Variants in METTL9 observed in about 807,000 individuals in gnomAD.
METTL9 encodes protein-L-histidine N-pros-methyltransferase.
Under a neutral mutation model 36.0 loss-of-function variants are expected in METTL9, and 10 were observed. The ratio of observed to expected loss-of-function variants is 0.28; its 90% CI spans 0.17 to 0.47. The LOEUF (loss-of-function observed/expected upper bound fraction) is 0.47. Among genes scored for constraint, METTL9 ranks in the 20% least tolerant of loss-of-function variants. The pLI, the probability that METTL9 is intolerant of heterozygous loss-of-function variation, is 0.99. For missense variants in METTL9, 246 were observed against 383.5 expected, an observed-to-expected ratio of 0.64 and a Z score of 3.00; for synonymous variants, 175 against 149.7, an observed-to-expected ratio of 1.17 and a Z score of -1.23.
In METTL9 at chr16:21,612,511, C is replaced by T. The variant is rs1965448463; in HGVS notation, c.166-134C>T. ...TATGAGTATACGAAATGATTATTCT[C>T]AGAGTATCATGAGATGGTAATATTT... On this transcript the variant is annotated intron_variant, in intron 1 of 4. Coordinates refer to ENST00000358154, the MANE Select transcript of METTL9 (RefSeq NM_016025.5). 4 of 775,586 alleles carry T rather than the reference C, an allele frequency of 5.2e-6. No individual in the cohort carries two copies. The South Asian group carries it at 1.0e-4, about 20-fold the overall frequency. The allele number at this position is 775,586 out of a possible 1,614,324, so 48.0% of individuals were successfully genotyped here. A position where few individuals can be genotyped will look rare whatever the true frequency, so the allele number is the denominator to read the frequency against.
At chr16:21,610,729 G>A (rs1044484652) in intron 1 of METTL9, among the ~76,000 whole-genome samples, 1 of 146,696 alleles carries the variant, frequency 6.8e-6, no homozygotes. Flanking sequence ...AGAATCTATT[G>A]TTGTTCTAGT....
At chr16:21,619,786 A>G (rs1475575373) in intron 3 of METTL9, among the ~76,000 whole-genome samples, 1 of 151,998 alleles carries the variant, frequency 6.6e-6, no homozygotes, top group Non-Finnish European at 1.5e-5. Flanking sequence ...GGAGATTTCT[A>G]TATATTGGCT....
At chr16:21,631,035 T>C (rs935444241) in intron 4 of METTL9, among the ~76,000 whole-genome samples, 4 of 151,866 alleles carry the variant, frequency 2.6e-5, no homozygotes, top group East Asian at 1.9e-4. Context: ...GCCTCAGGGG[T>C]TTTGGAGAGT....
At chr16:21,627,268 A>G in intron 4 of METTL9, 1 of 985,300 alleles carries the variant, frequency 1.0e-6, no homozygotes, top group Non-Finnish European at 1.2e-6. Context: ...AGGATATCTG[A>G]GTGTGCTTTG....
intron 4 of METTL9, chr16:21,626,896 A>G (rs747473651): frequency 2.3e-5 from 22 of 947,818 alleles, no homozygotes; most frequent in East Asian, 1.2e-4. Flanking sequence ...AGAAACATCA[A>G]TCTAACCACG....
intron 4 of METTL9, among the ~76,000 whole-genome samples, chr16:21,637,082 A>G (rs957766516): frequency 6.6e-6 from 1 of 152,142 alleles, no homozygotes; most frequent in African/African-American, 2.4e-5. Context: ...TATTGCGAAG[A>G]GTGAAAAAAC....
intron 4 of METTL9, among the ~76,000 whole-genome samples, chr16:21,630,084 A>G (rs926883838): frequency 2.6e-5 from 4 of 152,192 alleles, no homozygotes; most frequent in Admixed American, 6.5e-5. Context: ...GCTGATTGGT[A>G]CATTTACAAA....
intron 3 of METTL9, among the ~76,000 whole-genome samples, chr16:21,622,628 G>T (rs1462943961): frequency 6.6e-6 from 1 of 152,166 alleles, no homozygotes; most frequent in African/African-American, 2.4e-5. Context: ...TAAGCAATTT[G>T]TCTTCATCAG....
chr16:21,650,087 G>C (rs1966528206), intron 4 of METTL9, among the ~76,000 whole-genome samples: 1 of 152,158 alleles, frequency 6.6e-6, no homozygotes, highest in African/African-American at 2.4e-5. Context: ...ATTCCAGGCT[G>C]CAGTGAGCTG....
chr16:21,636,846 G>A (rs1428042879), intron 4 of METTL9, among the ~76,000 whole-genome samples: 1 of 152,122 alleles, frequency 6.6e-6, no homozygotes, highest in Non-Finnish European at 1.5e-5. Context: ...GGAAAAATAG[G>A]ACAGAATAGC....
intron 4 of METTL9, among the ~76,000 whole-genome samples, chr16:21,630,696 G>A (rs1252631590): frequency 6.6e-6 from 1 of 152,160 alleles, no homozygotes; most frequent in African/African-American, 2.4e-5. Context: ...GTTGTTAGTT[G>A]AGCTCATTTG....
chr16:21,609,888 G>T lies in METTL9; in HGVS notation c.166-2757G>T, dbSNP rs75106073. On this transcript the variant is annotated intron_variant, in intron 1 of 4. Transcript: ENST00000358154. ...ATTTGCATTTTAAGAGGTTTTCTAGGTTACTTATGTTTTCAGGCCACTTTT... is the reference window on the plus strand; with the variant it reads ...ATTTGCATTTTAAGAGGTTTTCTAGTTTACTTATGTTTTCAGGCCACTTTT... Among the ~76,000 whole-genome samples the T allele has an allele frequency of 8.9e-3, 1,349 of 152,196 alleles. 18 individuals are homozygous for T. Among genetic ancestry groups the T allele is most frequent in the African/African-American group, 0.031 (1,285 of 41,514 alleles).
At position 21,599,990 on chromosome 16, in the gene METTL9, G is replaced by T; in HGVS notation, c.165+92G>T. The T allele has an allele frequency of 9.2e-7, 1 of 1,090,310 alleles. No homozygotes were observed. Among genetic ancestry groups the T allele is most frequent in the Admixed American group, 4.6e-5 (1 of 21,798 alleles). The allele number at this position is 1,090,310 out of a possible 1,614,324, so 67.5% of individuals were successfully genotyped here. ...ATTGTGCGGGACGGCTCCGCGAGGG[G>T]GCGGCCCGGCCCTCGCCCCTCCGCC... On this transcript the variant is annotated intron_variant, in intron 1 of 4. Coordinates refer to ENST00000358154, the MANE Select transcript of METTL9 (RefSeq NM_016025.5). This position sits in a 1 kb window ranked among gnomAD's most constrained non-coding sequence, Gnocchi z 4.4.
intron 1 of METTL9, among the ~76,000 whole-genome samples, chr16:21,609,582 G>A (rs980234303): frequency 2.0e-5 from 3 of 152,118 alleles, no homozygotes. Context: ...CAGGTGAAGA[G>A]AGAGTGGGTT....
chr16:21,633,946 T>C (rs1966024323), intron 4 of METTL9, among the ~76,000 whole-genome samples: 1 of 152,152 alleles, frequency 6.6e-6, no homozygotes, highest in African/African-American at 2.4e-5. Context: ...TGATTCCCTC[T>C]TCAAGTAGGG....
chr16:21,617,297 A>C lies in METTL9; in HGVS notation c.357-568A>C, dbSNP rs563590494. Reference sequence around the variant, plus strand: ...GTCAGGTGTGGTGGCGGGCGCCTGTAGTCCCAGCTACTCAGGAGGCTGAGG... The same window carrying C: ...GTCAGGTGTGGTGGCGGGCGCCTGTCGTCCCAGCTACTCAGGAGGCTGAGG... On this transcript the variant is annotated intron_variant, in intron 2 of 4. Transcript: ENST00000358154. Among the ~76,000 whole-genome samples, 4 of 152,082 alleles carry C rather than the reference A, an allele frequency of 2.6e-5. No individual in the cohort carries two copies. The East Asian group carries it at 5.8e-4, about 22-fold the overall frequency.
At chr16:21,624,508 C>T (rs1965776667) in intron 3 of METTL9, among the ~76,000 whole-genome samples, 1 of 152,102 alleles carries the variant, frequency 6.6e-6, no homozygotes, top group African/African-American at 2.4e-5. Context: ...AGTCGGATCG[C>T]TTGAGGTGAG....
intron 4 of METTL9, chr16:21,627,181 A>C: frequency 9.1e-6 from 9 of 985,330 alleles, no homozygotes; most frequent in Non-Finnish European, 1.1e-5. Context: ...GATCCTGATG[A>C]TTTCCATGTG....
chr16:21,617,757 A>G, intron 2 of METTL9, 108 bp from the exon 3 acceptor site: 1 of 993,904 alleles, frequency 1.0e-6, no homozygotes, highest in East Asian at 2.4e-5. Flanking sequence ...ACCATGTAAT[A>G]AGTGATTATG....
Sources: allele counts gnomAD v4.1 joint callset (sites outside exome capture counted in the v4.1 genomes callset), GRCh38; gene constraint gnomAD v4.1.1; non-coding constraint Gnocchi (gnomAD v3.1); transcripts MANE v1.5; gene names NCBI Gene and HGNC (gene_info 2026-07-23, HGNC 2026-07-21).